Variants in STK4 observed in about 807,000 individuals in gnomAD.
STK4 encodes serine/threonine kinase 4.
Under a neutral mutation model 64.9 loss-of-function variants are expected in STK4, and 30 were observed. The observed-to-expected ratio is 0.46, with a 90% CI of 0.35 to 0.63. The LOEUF (loss-of-function observed/expected upper bound fraction) is 0.63, where lower values mean the gene tolerates loss of function less well. Ranked by LOEUF, STK4 falls within the 20% of genes least tolerant of loss-of-function variation. The probability of loss-of-function intolerance (pLI) is 0.01; values close to 1 mark genes in which losing one functional copy is unlikely to be tolerated. For missense variants in STK4, 466 were observed against 598.5 expected (o/e 0.78, Z 2.31); for synonymous variants, 177 against 199.0 (o/e 0.89, Z 0.93).
At chr20:44,985,532 AG>A (rs1439093368) in intron 4 of STK4, among the ~76,000 whole-genome samples, 1 of 152,024 alleles carries the variant, frequency 6.6e-6, no homozygotes. Flanking sequence ...TAGTAGAGAC[AG>A]GGTTTTGCCA....
intron 10 of STK4, among the ~76,000 whole-genome samples, chr20:45,046,015 C>T (rs1297792064): frequency 1.3e-5 from 2 of 151,954 alleles, no homozygotes; most frequent in African/African-American, 4.8e-5. Context: ...CCATGTTGGC[C>T]GGGCCAGTCA....
chr20:45,024,571 A>T (rs1180291091), intron 9 of STK4, among the ~76,000 whole-genome samples: 1 of 152,154 alleles, frequency 6.6e-6, no homozygotes. Flanking sequence ...TTAAATGCCT[A>T]TAGAGAATAT....
intron 1 of STK4, among the ~76,000 whole-genome samples, chr20:44,971,355 G>A (rs2067242694): frequency 6.6e-6 from 1 of 152,138 alleles, no homozygotes; most frequent in Admixed American, 6.5e-5. Flanking sequence ...GAAACTCACA[G>A]CTGCCTAGTG....
At chr20:45,014,468 C>T (rs999412508) in intron 9 of STK4, among the ~76,000 whole-genome samples, 4 of 151,902 alleles carry the variant, frequency 2.6e-5, no homozygotes, top group African/African-American at 9.7e-5. Flanking sequence ...TAATTTTATA[C>T]TTGATGTAGA....
chr20:45,011,750 T>G (rs2068055074), intron 9 of STK4, among the ~76,000 whole-genome samples: 1 of 141,110 alleles, frequency 7.1e-6, no homozygotes, highest in South Asian at 2.2e-4. Flanking sequence ...TTTTTTTAAG[T>G]CAAGTTGTTG....
chr20:45,041,963 A>G (rs1355395468), intron 10 of STK4, among the ~76,000 whole-genome samples: 2 of 152,076 alleles, frequency 1.3e-5, no homozygotes, highest in African/African-American at 4.8e-5. Context: ...AACCAAAGCC[A>G]GATTTGGTTC....
Position 45,029,890 on chromosome 20 carries a change from G to A in STK4, c.1305+4760G>A, listed in dbSNP as rs546556742. On this transcript the variant is annotated intron_variant, in intron 10 of 10. Coordinates refer to ENST00000372806, the MANE Select transcript of STK4 (RefSeq NM_006282.5). The stretch of plus-strand genomic sequence containing the variant: ...GATGTATTTCTATTTTATTAACATT[G>A]TATGATTTTTAAATTTCCTTGTTAT... Among the ~76,000 whole-genome samples the A allele has an allele frequency of 1.2e-4, 19 of 152,172 alleles. No homozygotes were observed. The South Asian group carries it at 3.9e-3, about 32-fold the overall frequency.
intron 10 of STK4, among the ~76,000 whole-genome samples, chr20:45,040,451 T>C (rs2068595247): frequency 2.6e-5 from 4 of 152,108 alleles, no homozygotes; most frequent in Admixed American, 2.6e-4. Context: ...TTTCATCTAT[T>C]TCTTATGTTC....
chr20:45,016,863 G>A (rs1175658955), intron 9 of STK4, among the ~76,000 whole-genome samples: 1 of 152,174 alleles, frequency 6.6e-6, no homozygotes, highest in African/African-American at 2.4e-5. Context: ...ATATACTTTG[G>A]TCCTTAAGCC....
chr20:44,981,811 T>TTG lies in STK4; in HGVS notation c.246-16_246-15dup. On this transcript the variant is annotated splice_polypyrimidine_tract_variant and intron_variant, in intron 3 of 10. Transcript: ENST00000372806. ...TTGAAGGCCATTTTATTAATTTGTA[T>TTG]TGTCTCTCTCTCTCTAGCCCTCATG... 6.9e-7 allele frequency: 1 copy of TTG among 1,454,526 alleles called. No individual in the cohort carries two copies. The highest frequency in any genetic ancestry group is 9.6e-7 in the Non-Finnish European group (1 of 1,037,106). 90.1% of individuals were successfully genotyped at this position (1,454,526 alleles called of 1,614,324 possible). A position where few individuals can be genotyped will look rare whatever the true frequency, so the allele number is the denominator to read the frequency against.
chr20:44,997,209 GA>G lies in STK4; in HGVS notation c.738del (p.Lys246AsnfsTer13). On this transcript the variant is annotated frameshift_variant, in exon 7 of 11. Coordinates refer to ENST00000372806, the MANE Select transcript of STK4 (RefSeq NM_006282.5). LOFTEE classifies it high-confidence loss of function. ...CCTACAAATCCTCCTCCCACATTCC[GA>G]AAACCAGAGCTATGGTCAGATAACT... ...MIPTNPPPTF[R>X]KPELWSDNFT... 1 of 1,613,906 alleles carries G rather than the reference GA, an allele frequency of 6.2e-7. No individual in the cohort carries two copies.
chr20:45,052,937 T>C (rs1479978032), intron 10 of STK4: 2 of 616,962 alleles, frequency 3.2e-6, no homozygotes, highest in East Asian at 5.6e-5. Flanking sequence ...CAGTTTCTGG[T>C]GAGAAGACTA....
intron 10 of STK4, among the ~76,000 whole-genome samples, chr20:45,060,887 T>G (rs1978935281): frequency 6.6e-6 from 1 of 152,246 alleles, no homozygotes; most frequent in African/African-American, 2.4e-5. Flanking sequence ...ATACTTTTTT[T>G]GTCCCATACC....
intron 10 of STK4, among the ~76,000 whole-genome samples, chr20:45,045,114 G>A (rs1448904512): frequency 1.3e-5 from 2 of 152,172 alleles, no homozygotes; most frequent in Admixed American, 6.5e-5. Flanking sequence ...TCAGAAGTGA[G>A]GAAGACAAAG....
chr20:45,065,565 C>T (rs968407227), intron 10 of STK4, among the ~76,000 whole-genome samples: 6 of 152,058 alleles, frequency 3.9e-5, no homozygotes, highest in Admixed American at 3.9e-4. Flanking sequence ...GGATTGGTAC[C>T]AACTCTTCCT....
At position 45,075,248 on chromosome 20, in the gene STK4, T is replaced by C; in HGVS notation, c.*72T>C. On this transcript the variant is annotated 3_prime_UTR_variant, in exon 11 of 11. Transcript: ENST00000372806. ...AATTCTGGATGGCTTGCCTCATGTT[T>C]GTTAGCCAGCACTTCTGCTCTGTCG... 2 of 1,559,562 alleles carry C rather than the reference T, an allele frequency of 1.3e-6. No individual in the cohort carries two copies. The highest frequency in any genetic ancestry group is 1.8e-5 in the Admixed American group (1 of 55,264).
chr20:45,073,198 T>C (rs1311298406), intron 10 of STK4, among the ~76,000 whole-genome samples: 1 of 152,022 alleles, frequency 6.6e-6, no homozygotes, highest in Non-Finnish European at 1.5e-5. Flanking sequence ...CTATTAGGGG[T>C]GTCCTTGGGC....
intron 10 of STK4, among the ~76,000 whole-genome samples, chr20:45,047,634 G>A (rs1280669681): frequency 1.3e-5 from 2 of 152,170 alleles, no homozygotes; most frequent in Non-Finnish European, 1.5e-5. Context: ...GTGGAATTTA[G>A]ATTTCTTCCC....
intron 10 of STK4, among the ~76,000 whole-genome samples, chr20:45,034,920 A>AAAC (rs892816328): frequency 9.2e-5 from 14 of 152,184 alleles, no homozygotes; most frequent in East Asian, 1.9e-4. Context: ...CCATGTCTTA[A>AAAC]AACAACAACA....
Sources: gnomAD v4.1 joint callset for allele counts (sites outside exome capture counted in the v4.1 genomes callset) on GRCh38, gnomAD v4.1.1 for gene constraint, MANE v1.5 for transcripts, NCBI Gene and HGNC (gene_info 2026-07-23, HGNC 2026-07-21) for gene names.